Variants in LARP4 observed in about 807,000 individuals in gnomAD.
LARP4 encodes la-related protein 4.
LARP4 carries 29 observed loss-of-function variants against 92.9 expected under a neutral mutation model. That is an observed-to-expected ratio of 0.31 (90% CI 0.23 to 0.43). The LOEUF is 0.43. LARP4 is among the 20% of genes least tolerant of loss of function. LARP4 has a pLI of 1.00. For missense variants in LARP4, 732 were observed against 860.0 expected (o/e 0.85, Z 1.86); for synonymous variants, 279 against 284.1 (o/e 0.98, Z 0.18).
In LARP4 at chr12:50,461,224, G is replaced by A; in HGVS notation, c.1211G>A (p.Ser404Asn). ...GGGGATGGACAGTTGAACAGATATA[G>A]TTCAAGAAACTTTCCAGCTGAACGG... ...SLGDGQLNRY[S>N]SRNFPAERHN... Residue 404 changes from serine to asparagine, a missense_variant, in exon 11 of 16, where the codon AGT becomes AAT. By Grantham distance (46) the Ser-to-Asn change is conservative. Coordinates refer to ENST00000398473, the MANE Select transcript of LARP4 (RefSeq NM_052879.5). The A allele has an allele frequency of 6.2e-7, 1 of 1,614,110 alleles. No homozygotes were observed.
intron 4 of LARP4, among the ~76,000 whole-genome samples, chr12:50,431,501 T>A (rs368126847): frequency 7.9e-5 from 12 of 152,198 alleles, no homozygotes; most frequent in African/African-American, 2.7e-4. Flanking sequence ...CAATGTCTTC[T>A]CTTAAATAAG....
In LARP4 at chr12:50,463,685, C is replaced by T. The variant is rs138949387; in HGVS notation, c.1383+1055C>T. Among the ~76,000 whole-genome samples the T allele has an allele frequency of 4.2e-3, 643 of 152,294 alleles. 5 individuals are homozygous for T. The highest frequency in any genetic ancestry group is 0.015 in the African/African-American group (604 of 41,560). On this transcript the variant is annotated intron_variant, in intron 12 of 15. Coordinates refer to ENST00000398473, the MANE Select transcript of LARP4 (RefSeq NM_052879.5). ...TCCCAAGGCCTTAGGCAGCTCCACC[C>T]CTTTGGCTTTGCAGGGATCAACCCT...
At chr12:50,444,980 A>G (rs537614816) in intron 8 of LARP4, among the ~76,000 whole-genome samples, 61 of 152,182 alleles carry the variant, frequency 4.0e-4, no homozygotes, top group African/African-American at 1.3e-3. Context: ...TACAATCTCA[A>G]TTCATTGCAG....
At chr12:50,447,381 C>G (rs193183838) in intron 8 of LARP4, among the ~76,000 whole-genome samples, 88 of 152,218 alleles carry the variant, frequency 5.8e-4, no homozygotes, top group African/African-American at 2.0e-3. Flanking sequence ...CCATGTAATT[C>G]CTGTTGCAGC....
In LARP4 at chr12:50,434,815, C is replaced by T. The variant is rs570926234; in HGVS notation, c.399-673C>T. On this transcript the variant is annotated intron_variant, in intron 4 of 15. Coordinates refer to ENST00000398473, the MANE Select transcript of LARP4 (RefSeq NM_052879.5). ...ATCCCAGCACTTTGGGAGGCTGAGGCGGATGGATCACGAGGTCAGGAGATC... is the reference window on the plus strand; with the variant it reads ...ATCCCAGCACTTTGGGAGGCTGAGGTGGATGGATCACGAGGTCAGGAGATC... Among the ~76,000 whole-genome samples the T allele has an allele frequency of 5.9e-5, 9 of 151,968 alleles. No homozygotes were observed. In the South Asian group the frequency reaches 1.9e-3, roughly 32 times the overall value.
chr12:50,458,377 G>T (rs551468928), intron 10 of LARP4, among the ~76,000 whole-genome samples: 1 of 151,960 alleles, frequency 6.6e-6, no homozygotes, highest in Non-Finnish European at 1.5e-5. Flanking sequence ...TGATGCACCC[G>T]CCTTGGCCTC....
At chr12:50,403,431 A>G (rs1302900058) in intron 1 of LARP4, among the ~76,000 whole-genome samples, 1 of 152,230 alleles carries the variant, frequency 6.6e-6, no homozygotes, top group East Asian at 1.9e-4. Context: ...TGAAATATTT[A>G]TGCTCATTAC....
chr12:50,407,771 C>T (rs987172650), intron 1 of LARP4, among the ~76,000 whole-genome samples: 6 of 151,896 alleles, frequency 4.0e-5, no homozygotes, highest in African/African-American at 9.7e-5. Context: ...TGCAGTGAGC[C>T]GAGATCATGT....
chr12:50,449,876 G>A (rs1252044235), intron 8 of LARP4, among the ~76,000 whole-genome samples: 3 of 149,160 alleles, frequency 2.0e-5, no homozygotes, highest in Non-Finnish European at 4.4e-5. Context: ...GTTGATATTG[G>A]CCTCTTTGAA....
chr12:50,450,727 C>T (rs369352713), intron 8 of LARP4, among the ~76,000 whole-genome samples: 82 of 152,182 alleles, frequency 5.4e-4, no homozygotes, highest in Middle Eastern at 3.4e-3. Context: ...GTCTTGACTC[C>T]TGACCTCAGG....
intron 1 of LARP4, chr12:50,401,413 T>C: frequency 4.7e-6 from 1 of 214,196 alleles, no homozygotes; most frequent in Non-Finnish European, 9.4e-6. Flanking sequence ...GAGCGCGGCC[T>C]CGCGGGGCCC....
intron 1 of LARP4, among the ~76,000 whole-genome samples, chr12:50,411,699 G>A (rs1385595063): frequency 6.7e-6 from 1 of 149,862 alleles, no homozygotes; most frequent in East Asian, 2.0e-4. Context: ...TCTTTTTTTT[G>A]AGATGGAGTC....
At chr12:50,451,307 CA>C (rs1953146414) in intron 8 of LARP4, among the ~76,000 whole-genome samples, 1 of 152,188 alleles carries the variant, frequency 6.6e-6, no homozygotes, top group African/African-American at 2.4e-5. Context: ...CAAGTGAGAT[CA>C]TGCAGTGTTT....
chr12:50,442,347 C>G (rs576288927), intron 8 of LARP4, among the ~76,000 whole-genome samples: 2 of 152,206 alleles, frequency 1.3e-5, no homozygotes, highest in African/African-American at 4.8e-5. Flanking sequence ...GGCATTGTCA[C>G]TGATGACACA....
intron 1 of LARP4, chr12:50,401,370 A>T (rs1943797388): frequency 3.4e-6 from 1 of 292,796 alleles, no homozygotes; most frequent in Non-Finnish European, 6.5e-6. Flanking sequence ...CTGAGGGAGG[A>T]GAGGGTAATC....
chr12:50,421,272 C>T (rs1368129132), intron 1 of LARP4: 6 of 984,448 alleles, frequency 6.1e-6, no homozygotes, highest in East Asian at 1.1e-4. Context: ...CTGTAATATG[C>T]TCTGGTTTGA....
chr12:50,455,153 T>TA (rs1261361260), intron 10 of LARP4, among the ~76,000 whole-genome samples: 3 of 152,214 alleles, frequency 2.0e-5, no homozygotes, highest in Non-Finnish European at 4.4e-5. Flanking sequence ...GATTGAGATG[T>TA]ATGTCTGAGG....
intron 8 of LARP4, among the ~76,000 whole-genome samples, chr12:50,446,430 T>TA (rs1491491550): frequency 0.082 from 453 of 5,498 alleles, 111 homozygotes; most frequent in Non-Finnish European, 0.14. Flanking sequence ...TATATATATA[T>TA]TTTTTTTTTT....
intron 1 of LARP4, among the ~76,000 whole-genome samples, chr12:50,423,832 A>G (rs1319032933): frequency 1.3e-5 from 2 of 150,560 alleles, no homozygotes; most frequent in East Asian, 3.9e-4. Context: ...GCTCACTGCA[A>G]TCTCCACCTC....
Sources: allele counts gnomAD v4.1 joint callset (sites outside exome capture counted in the v4.1 genomes callset), GRCh38; gene constraint gnomAD v4.1.1; transcripts MANE v1.5; gene names NCBI Gene and HGNC (gene_info 2026-07-23, HGNC 2026-07-21).